Variants in CCDC57 observed in about 807,000 individuals in gnomAD.
CCDC57 encodes coiled-coil domain-containing protein 57.
In CCDC57, 118 loss-of-function variants were observed where a neutral mutation model predicts 118.9. The observed-to-expected ratio is 0.99, with a 90% CI of 0.86 to 1.16. The LOEUF (loss-of-function observed/expected upper bound fraction) is 1.16, where lower values mean the gene tolerates loss of function less well. Ranked by LOEUF, CCDC57 falls within the 50% of genes most tolerant of loss-of-function variation. CCDC57 has a pLI of 0.00. For missense variants in CCDC57, 1,300 were observed against 1,320.7 expected (o/e 0.98, Z 0.24); for synonymous variants, 527 against 532.9 (o/e 0.99, Z 0.15).
chr17:82,204,648 T>C (rs568366468), intron 2 of CCDC57, among the ~76,000 whole-genome samples: 133 of 152,010 alleles, frequency 8.7e-4, no homozygotes, highest in African/African-American at 3.1e-3. Context: ...CTGGGCGTGG[T>C]GGTGGGCGCC....
chr17:82,144,508 G>A (rs1049183620), intron 16 of CCDC57, among the ~76,000 whole-genome samples: 1 of 152,148 alleles, frequency 6.6e-6, no homozygotes, highest in African/African-American at 2.4e-5. Flanking sequence ...AGATGGGGCT[G>A]CCTTGTACCT....
chr17:82,151,089 G>GAGCACACCCAGAACC (rs2041950196), intron 16 of CCDC57, among the ~76,000 whole-genome samples: 1 of 80,926 alleles, frequency 1.2e-5, no homozygotes, highest in African/African-American at 4.5e-5. Flanking sequence ...TCAGAACCTG[G>GAGCACACCCAGAACC]TGCACACCCA....
In CCDC57 at chr17:82,194,251, T is replaced by C. The variant is rs1208995069; in HGVS notation, c.619-112A>G. ...TTGGGAGGGAGAAGAAAAATGAAAA[T>C]TCAAGAAGCAGTAAAACAGTGAGAA... On this transcript the variant is annotated intron_variant, in intron 5 of 19. Coordinates refer to ENST00000665763, the Ensembl canonical transcript of CCDC57. 38 of 1,127,060 alleles carry C rather than the reference T, an allele frequency of 3.4e-5. No homozygotes were observed. The East Asian group carries it at 8.8e-4, about 26-fold the overall frequency. The allele number at this position is 1,127,060 out of a possible 1,614,324, so 69.8% of individuals were successfully genotyped here.
At chr17:82,139,736 A>G (rs1286939551) in intron 16 of CCDC57, among the ~76,000 whole-genome samples, 1 of 152,104 alleles carries the variant, frequency 6.6e-6, no homozygotes, top group Non-Finnish European at 1.5e-5. Flanking sequence ...ACTGTCTCAG[A>G]GCCTGGGAAA....
intron 19 of CCDC57, chr17:82,112,723 G>T (rs141533054): frequency 1.3e-5 from 2 of 152,404 alleles, no homozygotes; most frequent in African/African-American, 4.8e-5. Flanking sequence ...GCCCAGAAAC[G>T]GCCTTCAGGC....
chr17:82,165,487 CA>C (rs752915189), intron 13 of CCDC57, among the ~76,000 whole-genome samples: 457 of 131,746 alleles, frequency 3.5e-3, no homozygotes, highest in Middle Eastern at 7.5e-3. Flanking sequence ...GAGCTCAGAC[CA>C]AAAAAAAAAA....
intron 17 of CCDC57, among the ~76,000 whole-genome samples, chr17:82,132,949 G>A (rs2038625393): frequency 6.6e-6 from 1 of 151,860 alleles, no homozygotes. Flanking sequence ...TAGTAGAGAC[G>A]GGGTTTCACC....
At chr17:82,105,279 C>T (rs1162450518) in intron 19 of CCDC57, among the ~76,000 whole-genome samples, 7 of 152,172 alleles carry the variant, frequency 4.6e-5, no homozygotes, top group Admixed American at 3.9e-4. Flanking sequence ...TGTGGTTCAC[C>T]CCTGCTGTGT....
chr17:82,156,450 T>A (rs116852572), intron 15 of CCDC57: 4,000 of 152,314 alleles, frequency 0.026, 81 homozygotes, highest in South Asian at 0.042. Flanking sequence ...CGGGAACACA[T>A]GGCGCTCAGG....
intron 16 of CCDC57, among the ~76,000 whole-genome samples, chr17:82,141,764 C>A (rs915014883): frequency 6.6e-6 from 1 of 152,146 alleles, no homozygotes; most frequent in South Asian, 2.1e-4. Flanking sequence ...CGCACATTAC[C>A]TGTCTGATGC....
chr17:82,199,262 G>A (rs1044644700), intron 3 of CCDC57, among the ~76,000 whole-genome samples: 4 of 151,766 alleles, frequency 2.6e-5, no homozygotes, highest in Non-Finnish European at 4.4e-5. Context: ...TGGATCACCC[G>A]GGGTCAGGAG....
exon 20 of CCDC57, chr17:82,101,763 T>C (rs759550107): frequency 1.3e-5 from 21 of 1,609,736 alleles, no homozygotes; most frequent in Non-Finnish European, 1.7e-5. Flanking sequence ...GGGAGGCTCC[T>C]GTGGTCTTGG....
At chr17:82,175,298 G>A (rs908191473) in intron 11 of CCDC57, among the ~76,000 whole-genome samples, 4 of 152,276 alleles carry the variant, frequency 2.6e-5, no homozygotes, top group African/African-American at 9.6e-5. Flanking sequence ...CTATGTCCCA[G>A]GACGCGCTGA....
chr17:82,147,949 A>G (rs1417653338), intron 16 of CCDC57, among the ~76,000 whole-genome samples: 2 of 47,204 alleles, frequency 4.2e-5, no homozygotes, highest in African/African-American at 8.6e-5. Flanking sequence ...GTGGATGGGT[A>G]GATGGATGGA....
At chr17:82,146,877 G>A (rs1305220420) in intron 16 of CCDC57, among the ~76,000 whole-genome samples, 7 of 152,042 alleles carry the variant, frequency 4.6e-5, no homozygotes, top group South Asian at 2.1e-4. Context: ...GTGCAGTCTC[G>A]CAAACAAACG....
intron 16 of CCDC57, among the ~76,000 whole-genome samples, chr17:82,148,732 A>T: frequency 1.7e-5 from 1 of 57,952 alleles, no homozygotes; most frequent in African/African-American, 6.8e-5. Context: ...GGATACATGG[A>T]TGGGTGGGTG....
intron 17 of CCDC57, among the ~76,000 whole-genome samples, chr17:82,129,407 C>T (rs1051513843): frequency 6.6e-6 from 1 of 152,170 alleles, no homozygotes. Flanking sequence ...CTGTACAGAG[C>T]CATGGACAAT....
Position 82,188,218 on chromosome 17 carries a change from C to T in CCDC57, c.1052+1G>A, listed in dbSNP as rs1389040353. On this transcript the variant is annotated splice_donor_variant, in intron 8 of 19. Coordinates refer to ENST00000665763, the Ensembl canonical transcript of CCDC57. LOFTEE classifies it high-confidence loss of function. ...CTGGGTGGAGCCAAGCACACGCTCA[C>T]TGGTCAATGGCAGCGTCCTTCTCCT... The T allele has an allele frequency of 5.2e-6, 8 of 1,546,010 alleles. No individual in the cohort carries two copies. The African/African-American group carries it at 6.8e-5, about 13-fold the overall frequency.
intron 8 of CCDC57, 99 bp from the exon 8 acceptor site, chr17:82,184,031 G>GCGCGCGCGCGCACGCACACACACACA: frequency 7.9e-6 from 1 of 125,852 alleles, no homozygotes; most frequent in Non-Finnish European, 1.6e-5. Context: ...GCGCGCGCGC[G>GCGCGCGCGCGCACGCACACACACACA]CACACACACA....
Sources: gnomAD v4.1 joint callset for allele counts (sites outside exome capture counted in the v4.1 genomes callset) on GRCh38, gnomAD v4.1.1 for gene constraint, MANE v1.5 for transcripts, NCBI Gene and HGNC (gene_info 2026-07-23, HGNC 2026-07-21) for gene names.